Variants in AKAP13 observed in about 807,000 individuals in gnomAD.
AKAP13 encodes A-kinase anchor protein 13.
AKAP13 carries 80 observed loss-of-function variants against 264.5 expected under a neutral mutation model. The observed-to-expected ratio is 0.30, with a 90% CI of 0.25 to 0.36. AKAP13 has a LOEUF of 0.36. AKAP13 is among the 10% of genes least tolerant of loss of function. AKAP13 has a pLI of 1.00. For missense variants in AKAP13, 3,712 were observed against 3,435.2 expected (o/e 1.08, Z -2.01); for synonymous variants, 1,380 against 1,250.2 (o/e 1.10, Z -2.19).
chr15:85,540,770 A>G (rs1480476459), intron 4 of AKAP13, among the ~76,000 whole-genome samples: 1 of 152,226 alleles, frequency 6.6e-6, no homozygotes, highest in African/African-American at 2.4e-5. Flanking sequence ...CCTAATTCAC[A>G]TGACCCCTGA....
At position 85,639,352 on chromosome 15, in the gene AKAP13, C is replaced by T. The variant is rs374914054; in HGVS notation, c.4162-22C>T. On this transcript the variant is annotated intron_variant, in intron 8 of 36. Transcript: ENST00000394518. The stretch of plus-strand genomic sequence containing the variant: ...TCACATTACTTCAATGTCTGAAACT[C>T]TGTGTTTTCTTTTTCTTTCAGATAA... 1.5e-5 allele frequency: 23 copies of T among 1,556,052 alleles called. No individual in the cohort carries two copies. The African/African-American group carries it at 2.6e-4, about 17-fold the overall frequency.
At chr15:85,403,925 A>G (rs887787612) in intron 1 of AKAP13, among the ~76,000 whole-genome samples, 2 of 151,962 alleles carry the variant, frequency 1.3e-5, no homozygotes, top group Non-Finnish European at 2.9e-5. Context: ...ACAAGTAGCT[A>G]TGACAGTACC....
intron 1 of AKAP13, among the ~76,000 whole-genome samples, chr15:85,397,010 C>A (rs902863159): frequency 3.0e-5 from 4 of 132,926 alleles, no homozygotes; most frequent in African/African-American, 1.1e-4. Context: ...GTCTTTTGTT[C>A]CCCCCATTGA....
Position 85,580,796 on chromosome 15 carries a change from G to A in AKAP13, c.2728G>A (p.Glu910Lys), listed in dbSNP as rs757566116. Residue 910 changes from glutamate to lysine, a missense_variant, in exon 7 of 37, where the codon GAA becomes AAA. Glu to Lys is a moderately conservative substitution (Grantham distance 56). Around this residue, in one of 3 missense-constraint regions of AKAP13, gnomAD observed 2,759 missense variants for 2,411.7 expected, o/e 1.14. Coordinates refer to ENST00000394518, the MANE Select transcript of AKAP13 (RefSeq NM_007200.5). ...ATLALDSVLT[E>K]EGKLLVVSES... The stretch of plus-strand genomic sequence containing the variant: ...TTTGGCTTTAGATTCAGTTTTGACT[G>A]AAGAAGGAAAACTTCTGGTGGTTTC... 5.0e-6 allele frequency: 8 copies of A among 1,613,984 alleles called. No homozygotes were observed. Among genetic ancestry groups the A allele is most frequent in the Non-Finnish European group, 2.5e-6 (3 of 1,180,046 alleles).
chr15:85,740,438 G>A (rs2088868146), intron 34 of AKAP13, 166 bp downstream of exon 34: 5 of 663,198 alleles, frequency 7.5e-6, no homozygotes, highest in Admixed American at 5.7e-5. Flanking sequence ...AGAATGCATC[G>A]ACCTTCCAGG....
At chr15:85,622,025 G>A (rs1054619289) in intron 8 of AKAP13, among the ~76,000 whole-genome samples, 9 of 152,154 alleles carry the variant, frequency 5.9e-5, no homozygotes, top group African/African-American at 9.7e-5. Context: ...AGATGGGGAC[G>A]TTTGGTGTTA....
chr15:85,411,800 G>T (rs1363386058), intron 1 of AKAP13, among the ~76,000 whole-genome samples: 1 of 152,186 alleles, frequency 6.6e-6, no homozygotes, highest in East Asian at 1.9e-4. Flanking sequence ...ATAAGCTGTG[G>T]TTATCCAGAA....
Position 85,522,398 on chromosome 15 carries a change from C to G in AKAP13, c.181+823C>G, listed in dbSNP as rs899946294. Reference sequence around the variant, plus strand: ...TAAGGGAAAAGGCAAATACAAAAAGCATGGCCTGTGTCCTAACTGTGATCC... The same window carrying G: ...TAAGGGAAAAGGCAAATACAAAAAGGATGGCCTGTGTCCTAACTGTGATCC... On this transcript the variant is annotated intron_variant, in intron 3 of 36. Coordinates refer to ENST00000394518, the MANE Select transcript of AKAP13 (RefSeq NM_007200.5). Among the ~76,000 whole-genome samples, 5 of 152,214 alleles carry G rather than the reference C, an allele frequency of 3.3e-5. No homozygotes were observed. In the South Asian group the frequency reaches 8.3e-4, roughly 25 times the overall value.
At position 85,580,052 on chromosome 15, in the gene AKAP13, T is replaced by C; in HGVS notation, c.1984T>C (p.Cys662Arg). ...TTCTACAACTGGAGACGATAAACTT[T>C]GTGCAGACTCTGCATGTCAACAGAA... Reference protein sequence around the residue: ...ICSTTGDDKLCADSACQQNTV... With the variant: ...ICSTTGDDKLRADSACQQNTV... Residue 662 changes from cysteine (C) to arginine (R), a missense_variant, in exon 7 of 37, where the codon TGT becomes CGT. Cys to Arg is a radical substitution (Grantham distance 180). Transcript: ENST00000394518. The C allele has an allele frequency of 6.2e-7, 1 of 1,614,212 alleles. No individual in the cohort carries two copies. Among genetic ancestry groups the C allele is most frequent in the Non-Finnish European group, 8.5e-7 (1 of 1,180,040 alleles).
chr15:85,434,299 A>G (rs1349485676), intron 1 of AKAP13, among the ~76,000 whole-genome samples: 1 of 152,128 alleles, frequency 6.6e-6, no homozygotes, highest in Non-Finnish European at 1.5e-5. Context: ...ATTATATCCC[A>G]CACCTGGCTC....
intron 8 of AKAP13, among the ~76,000 whole-genome samples, chr15:85,594,513 C>T (rs1407108475): frequency 2.0e-5 from 3 of 152,188 alleles, no homozygotes; most frequent in South Asian, 2.1e-4. Flanking sequence ...AAGATATATG[C>T]ATTATGTATC....
At chr15:85,461,556 A>G (rs1015950369) in intron 1 of AKAP13, among the ~76,000 whole-genome samples, 4 of 152,086 alleles carry the variant, frequency 2.6e-5, no homozygotes, top group African/African-American at 7.2e-5. Context: ...CTACATACCA[A>G]ATCCCCCTAT....
chr15:85,669,775 C>G lies in AKAP13; in HGVS notation c.5046C>G (p.Ser1682=). ...TTAATTACTGTACATCAGCCATTTC[C>G]TCTCCATTGACAAAATCCATCTCAT... ...QGFNYCTSAI[S]SPLTKSISLM... The change falls in exon 14 of 37, where the codon TCC becomes TCG. Residue 1682 remains serine (S), a synonymous_variant. Coordinates refer to ENST00000394518, the MANE Select transcript of AKAP13 (RefSeq NM_007200.5). 2 of 1,613,716 alleles carry G rather than the reference C, an allele frequency of 1.2e-6. No homozygotes were observed. Among genetic ancestry groups the G allele is most frequent in the East Asian group, 4.5e-5 (2 of 44,834 alleles).
intron 1 of AKAP13, among the ~76,000 whole-genome samples, chr15:85,473,537 A>G (rs886347457): frequency 6.6e-6 from 1 of 152,352 alleles, no homozygotes; most frequent in East Asian, 1.9e-4. Context: ...CCCCCACTGC[A>G]ACACGCAGTT....
chr15:85,660,074 C>T (rs901319057), intron 12 of AKAP13, among the ~76,000 whole-genome samples: 8 of 152,086 alleles, frequency 5.3e-5, no homozygotes, highest in East Asian at 1.9e-4. Flanking sequence ...ATATCTTGGC[C>T]GAGCACGGTG....
At chr15:85,382,574 A>T (rs1442883656) in intron 1 of AKAP13, among the ~76,000 whole-genome samples, 1 of 152,218 alleles carries the variant, frequency 6.6e-6, no homozygotes, top group Non-Finnish European at 1.5e-5. Context: ...TTACAACATG[A>T]CGTGACGAGT....
intron 8 of AKAP13, among the ~76,000 whole-genome samples, chr15:85,600,604 C>T (rs946121590): frequency 6.6e-5 from 10 of 152,096 alleles, no homozygotes; most frequent in African/African-American, 2.2e-4. Flanking sequence ...CACAAATGTT[C>T]CTTTAGGAAA....
intron 1 of AKAP13, among the ~76,000 whole-genome samples, chr15:85,455,566 G>T (rs1169588648): frequency 1.3e-5 from 2 of 151,980 alleles, no homozygotes; most frequent in Admixed American, 6.6e-5. Flanking sequence ...CAATAACATA[G>T]GGGATTTGGG....
intron 1 of AKAP13, among the ~76,000 whole-genome samples, chr15:85,428,384 A>AG (rs2072887857): frequency 1.3e-5 from 2 of 152,284 alleles, no homozygotes; most frequent in East Asian, 3.9e-4. Context: ...TTTTTAATAG[A>AG]GGTGGGGTTT....
Sources: allele counts gnomAD v4.1 joint callset (sites outside exome capture counted in the v4.1 genomes callset), GRCh38; gene constraint gnomAD v4.1.1; regional missense constraint gnomAD v4.1.1; transcripts MANE v1.5; gene names NCBI Gene and HGNC (gene_info 2026-07-23, HGNC 2026-07-21).